ERBB4: variants seen among roughly 807,000 people sequenced by gnomAD.
The protein encoded by ERBB4 is receptor tyrosine-protein kinase erbB-4.
In ERBB4, 42 loss-of-function variants were observed where a neutral mutation model predicts 158.0. The observed-to-expected ratio is 0.27, with a 90% CI of 0.21 to 0.34. The LOEUF (loss-of-function observed/expected upper bound fraction) is 0.34, where lower values mean the gene tolerates loss of function less well. Ranked by LOEUF, ERBB4 falls within the 10% of genes least tolerant of loss-of-function variation. The pLI, the probability that ERBB4 is intolerant of heterozygous loss-of-function variation, is 1.00. For synonymous variants in ERBB4, 583 were observed against 558.7 expected (o/e 1.04, Z -0.61); for missense variants, 1,333 against 1,624.1 (o/e 0.82, Z 3.08).
intron 20 of ERBB4, among the ~76,000 whole-genome samples, chr2:211,454,537 A>T (rs2064330445): frequency 6.6e-6 from 1 of 152,188 alleles, no homozygotes; most frequent in Non-Finnish European, 1.5e-5. Context: ...GCTAGAGCAA[A>T]TGCATTTCTC....
intron 1 of ERBB4, among the ~76,000 whole-genome samples, chr2:212,264,231 A>G (rs561050766): frequency 5.3e-5 from 8 of 152,154 alleles, no homozygotes; most frequent in Non-Finnish European, 1.2e-4. Context: ...CAATGTATTT[A>G]GACAGTGCTC....
At chr2:211,533,255 T>C (rs2066550820) in intron 20 of ERBB4, among the ~76,000 whole-genome samples, 1 of 151,928 alleles carries the variant, frequency 6.6e-6, no homozygotes. Flanking sequence ...AGACAGAATG[T>C]TTTACTATTT....
intron 20 of ERBB4, among the ~76,000 whole-genome samples, chr2:211,534,260 T>C (rs1415558304): frequency 2.6e-5 from 4 of 152,114 alleles, no homozygotes; most frequent in African/African-American, 9.6e-5. Flanking sequence ...TTTACAGGTA[T>C]ACTTATGACT....
At chr2:211,439,449 T>C (rs981455855) in intron 20 of ERBB4, among the ~76,000 whole-genome samples, 1 of 152,216 alleles carries the variant, frequency 6.6e-6, no homozygotes, top group Admixed American at 6.5e-5. Flanking sequence ...ACTGGATTCA[T>C]AGAGCACCCA....
intron 1 of ERBB4, among the ~76,000 whole-genome samples, chr2:212,282,650 A>G (rs1259353718): frequency 6.6e-6 from 1 of 151,916 alleles, no homozygotes; most frequent in East Asian, 1.9e-4. Flanking sequence ...CAGCTTGGCT[A>G]ACCTCCATAA....
At chr2:212,117,146 C>T (rs11689043) in intron 2 of ERBB4, among the ~76,000 whole-genome samples, 62,822 of 152,032 alleles carry the variant, frequency 0.41, 15,414 homozygotes, top group Non-Finnish European at 0.55. Flanking sequence ...TCTGCTTTGG[C>T]CTAAATGACA....
chr2:212,019,210 A>C (rs2076592763), intron 2 of ERBB4, among the ~76,000 whole-genome samples: 1 of 152,220 alleles, frequency 6.6e-6, no homozygotes, highest in African/African-American at 2.4e-5. Flanking sequence ...TCTTTCAGGA[A>C]GGTCTTAGAA....
intron 1 of ERBB4, among the ~76,000 whole-genome samples, chr2:212,536,436 A>T (rs566392837): frequency 6.6e-6 from 1 of 152,216 alleles, no homozygotes; most frequent in East Asian, 1.9e-4. Context: ...CGGCCCTTTC[A>T]TCTGGATCAC....
At chr2:211,819,774 G>T (rs961121737) in intron 3 of ERBB4, among the ~76,000 whole-genome samples, 1 of 151,738 alleles carries the variant, frequency 6.6e-6, no homozygotes, top group African/African-American at 2.4e-5. Flanking sequence ...AACTAGAGGT[G>T]AAAAAAACAG....
At chr2:212,192,065 T>A (rs1288986162) in intron 1 of ERBB4, among the ~76,000 whole-genome samples, 4 of 126,058 alleles carry the variant, frequency 3.2e-5, no homozygotes, top group Non-Finnish European at 6.6e-5. Flanking sequence ...GTTATATATG[T>A]TATATGTTAT....
At chr2:212,500,235 T>A (rs1007418287) in intron 1 of ERBB4, among the ~76,000 whole-genome samples, 1 of 152,092 alleles carries the variant, frequency 6.6e-6, no homozygotes, top group African/African-American at 2.4e-5. Context: ...ATTTCATAGG[T>A]TTGCATAATA....
intron 1 of ERBB4, among the ~76,000 whole-genome samples, chr2:212,446,632 T>C (rs1250760812): frequency 2.1e-5 from 2 of 94,572 alleles, no homozygotes; most frequent in Non-Finnish European, 4.4e-5. Flanking sequence ...TATATATATA[T>C]ATATATCCTA....
intron 20 of ERBB4, among the ~76,000 whole-genome samples, chr2:211,475,627 C>T (rs540102501): frequency 6.6e-6 from 1 of 152,112 alleles, no homozygotes; most frequent in East Asian, 1.9e-4. Flanking sequence ...GTATACAATG[C>T]TACAGTCTTA....
chr2:211,963,300 A>T (rs374806963), intron 2 of ERBB4, among the ~76,000 whole-genome samples: 1 of 152,160 alleles, frequency 6.6e-6, no homozygotes, highest in African/African-American at 2.4e-5. Context: ...CCCACCTCCC[A>T]CACCCACCAC....
At chr2:212,105,841 G>A (rs150773061) in intron 2 of ERBB4, among the ~76,000 whole-genome samples, 45 of 152,188 alleles carry the variant, frequency 3.0e-4, no homozygotes, top group African/African-American at 7.5e-4. Context: ...TGCTGTTCTC[G>A]TGATAATGAA....
chr2:212,473,349 T>C (rs1010513547), intron 1 of ERBB4, among the ~76,000 whole-genome samples: 18 of 152,038 alleles, frequency 1.2e-4, no homozygotes, highest in Admixed American at 1.2e-3. Context: ...AAAAAGAGGT[T>C]TCCACACTTG....
At chr2:212,473,517 T>C (rs954871582) in intron 1 of ERBB4, among the ~76,000 whole-genome samples, 1 of 152,098 alleles carries the variant, frequency 6.6e-6, no homozygotes, top group African/African-American at 2.4e-5. Context: ...ATTTTTCCCA[T>C]AGCATAGTAA....
chr2:212,313,789 C>G (rs1449230983), intron 1 of ERBB4, among the ~76,000 whole-genome samples: 1 of 150,868 alleles, frequency 6.6e-6, no homozygotes, highest in Admixed American at 6.6e-5. Flanking sequence ...TGTCTTTATT[C>G]TTAATATCCT....
At chr2:211,811,731 T>C (rs914956585) in intron 3 of ERBB4, among the ~76,000 whole-genome samples, 70 of 152,300 alleles carry the variant, frequency 4.6e-4, no homozygotes, top group Non-Finnish European at 6.6e-4. Flanking sequence ...TCTTTTTTTT[T>C]CTAAACTTCT....
Sources: allele counts gnomAD v4.1 joint callset (sites outside exome capture counted in the v4.1 genomes callset), GRCh38; gene constraint gnomAD v4.1.1; transcripts MANE v1.5; gene names NCBI Gene and HGNC (gene_info 2026-07-23, HGNC 2026-07-21).